The following REM1 variants were observed in gnomAD, a reference collection of about 807,000 sequenced individuals.
REM1 encodes the protein GTP-binding protein REM 1.
Under a neutral mutation model 27.0 loss-of-function variants are expected in REM1, and 20 were observed. That is an observed-to-expected ratio of 0.74 (90% CI 0.52 to 1.08). The LOEUF is 1.08. Ranked by LOEUF, REM1 falls within the 50% of genes least tolerant of loss-of-function variation. The pLI is 0.00. For missense variants in REM1, 405 were observed against 407.0 expected, an observed-to-expected ratio of 1.00 and a Z score of 0.04; for synonymous variants, 159 against 167.9, an observed-to-expected ratio of 0.95 and a Z score of 0.41.
chr20:31,484,175 T>C lies in REM1; in HGVS notation c.642T>C (p.Ala214=). 6.3e-7 allele frequency: 1 copy of C among 1,599,186 alleles called. No homozygotes were observed. Among genetic ancestry groups the C allele is most frequent in the Non-Finnish European group, 8.5e-7 (1 of 1,171,834 alleles). The change falls in exon 5 of 5, where the codon GCT becomes GCC. Residue 214 remains alanine (A), a synonymous_variant. Transcript: ENST00000201979. ...EVSVEEGRAC[A]VVFDCKFIET... is the part of the protein sequence containing the mutation. ...CCCCCTTAGAGGGCCGCGCCTGCGC[T>C]GTGGTGTTCGACTGTAAATTCATCG... is the stretch of plus-strand genomic sequence containing the variant.
chr20:31,484,329 C>T lies in REM1; in HGVS notation c.796C>T (p.Gln266Ter). 4 of 1,569,368 alleles carry T rather than the reference C, an allele frequency of 2.5e-6. No homozygotes were observed. Among genetic ancestry groups the T allele is most frequent in the Non-Finnish European group, 3.5e-6 (4 of 1,158,216 alleles). The stretch of plus-strand genomic sequence containing the variant: ...ACCCCGACGGCCGGCCAGCCTAGCC[C>T]AGCGCGCTCGTCGCTTCCTGGCACG... The part of the protein sequence containing the change: ...PAPRRPASLA[Q>*]RARRFLARLT... Residue 266 changes from glutamine (Q) to a stop codon, truncating the protein, a stop_gained, in exon 5 of 5, where the codon CAG becomes TAG. Coordinates refer to ENST00000201979, the MANE Select transcript of REM1 (RefSeq NM_014012.6). LOFTEE classifies it high-confidence loss of function.
In REM1 at chr20:31,477,330, G is replaced by C. The variant is rs543245069; in HGVS notation, c.341-498G>C. Among the ~76,000 whole-genome samples, 407 of 152,276 alleles carry C rather than the reference G, an allele frequency of 2.7e-3. 2 individuals are homozygous for C. Among genetic ancestry groups the C allele is most frequent in the Non-Finnish European group, 3.3e-3 (224 of 68,026 alleles). ...AGGATGATGGGGTACAGGGAAGATA[G>C]AAGAGATGAAGGTAGGCCCCTGAAG... On this transcript the variant is annotated intron_variant, in intron 2 of 4. Transcript: ENST00000201979.
Position 31,477,750 on chromosome 20 carries a change from G to C in REM1, c.341-78G>C, listed in dbSNP as rs900083208. On this transcript the variant is annotated intron_variant, in intron 2 of 4. Coordinates refer to ENST00000201979, the MANE Select transcript of REM1 (RefSeq NM_014012.6). ...ACAAGTGGAGGGGGCGATATGACCA[G>C]AAATGGGGGGCAGGGAACACCACAC... The C allele has an allele frequency of 5.1e-5, 55 of 1,087,540 alleles. No individual in the cohort carries two copies. The African/African-American group carries it at 8.0e-4, about 16-fold the overall frequency. 67.4% of individuals were successfully genotyped at this position (1,087,540 alleles called of 1,614,324 possible).
In REM1 at chr20:31,476,512, C is replaced by CT. The variant is rs756124285; in HGVS notation, c.68dup (p.Ser24ValfsTer42). On this transcript the variant is annotated frameshift_variant, in exon 2 of 5. Transcript: ENST00000201979. LOFTEE classifies it high-confidence loss of function. Reference sequence around the variant, plus strand: ...CCGGCGAGCCAGCACCCCACTGCCCCTGTCCCCACGGGGCCACCAGCCTGG... The same window carrying CT: ...CCGGCGAGCCAGCACCCCACTGCCCCTTGTCCCCACGGGGCCACCAGCCTGG... 4.3e-6 allele frequency: 7 copies of CT among 1,613,940 alleles called. No homozygotes were observed. In the Admixed American group the frequency reaches 5.0e-5, roughly 12 times the overall value.
intron 4 of REM1, among the ~76,000 whole-genome samples, chr20:31,482,960 C>T (rs1456267413): frequency 1.3e-5 from 2 of 152,052 alleles, no homozygotes; most frequent in East Asian, 3.9e-4. Flanking sequence ...ACAGCAAGAC[C>T]TTCTCTCTAC....
chr20:31,478,250 T>C (rs1003202019), intron 3 of REM1, among the ~76,000 whole-genome samples: 1 of 133,860 alleles, frequency 7.5e-6, no homozygotes, highest in African/African-American at 2.8e-5. Context: ...TACCTAAGGC[T>C]GAACCCCCTT....
chr20:31,476,783 G>A lies in REM1; in HGVS notation c.338G>A (p.Gly113Glu). Residue 113 changes from glycine to glutamate, a missense_variant and splice_region_variant, in exon 2 of 5, where the codon GGA (glycine) becomes GAA (glutamate). Coordinates refer to ENST00000201979, the MANE Select transcript of REM1 (RefSeq NM_014012.6). The stretch of plus-strand genomic sequence containing the variant: ...GAGAGGGACCTCCATGAACAGCTGG[G>A]AGGTAGGGGCCATATGGGCTGGGCT... Reference protein sequence around the residue: ...KQERDLHEQLGEDVYERTLTV... With the variant: ...KQERDLHEQLEEDVYERTLTV... 1.9e-6 allele frequency: 3 copies of A among 1,604,978 alleles called. No individual in the cohort carries two copies. Among genetic ancestry groups the A allele is most frequent in the Middle Eastern group, 1.7e-4 (1 of 5,980 alleles).
Position 31,484,797 on chromosome 20 carries a change from GCGTCT to G in REM1, c.*369_*373del. The G allele has an allele frequency of 4.6e-6, 1 of 217,044 alleles. No homozygotes were observed. Among genetic ancestry groups the G allele is most frequent in the Non-Finnish European group, 9.0e-6 (1 of 111,022 alleles). The allele number at this position is 217,044 out of a possible 1,614,324, so 13.4% of individuals were successfully genotyped here. ...GACCTCTCCATCTCGGCTCTTCCAGGCGTCTCCACCTACTGCCCTCCCATCTACAC... is the reference window on the plus strand; with the variant it reads ...GACCTCTCCATCTCGGCTCTTCCAGGCCACCTACTGCCCTCCCATCTACAC... On this transcript the variant is annotated 3_prime_UTR_variant, in exon 5 of 5. Coordinates refer to ENST00000201979, the MANE Select transcript of REM1 (RefSeq NM_014012.6).
chr20:31,484,367 C>T lies in REM1; in HGVS notation c.834C>T (p.Arg278=). 6.4e-7 allele frequency: 1 copy of T among 1,556,490 alleles called. No individual in the cohort carries two copies. Among genetic ancestry groups the T allele is most frequent in the Non-Finnish European group, 8.7e-7 (1 of 1,151,378 alleles). ...GCTTCCTGGCACGCCTGACAGCCCG[C>T]AGCGCACGCCGCCGGGCACTCAAGG... The part of the protein sequence containing the change: ...ARRFLARLTA[R]SARRRALKAR... The change falls in exon 5 of 5, where the codon CGC becomes CGT. Residue 278 remains arginine, a synonymous_variant. Transcript: ENST00000201979.
rs987352776 is a variant in REM1, at chr20:31,475,293, C to T, written c.-293C>T. 1 of 152,506 alleles carries T rather than the reference C, an allele frequency of 6.6e-6. No individual in the cohort carries two copies. The highest frequency in any genetic ancestry group is 1.5e-5 in the Non-Finnish European group (1 of 68,290). 9.4% of individuals were successfully genotyped at this position (152,506 alleles called of 1,614,324 possible). On this transcript the variant is annotated 5_prime_UTR_variant, in exon 1 of 5. Coordinates refer to ENST00000201979, the MANE Select transcript of REM1 (RefSeq NM_014012.6). The surrounding 1 kb of genome is among the most constrained non-coding windows in gnomAD (Gnocchi z 5.0). ...GGGAACTGGCCTGAGGGGCTGCTCA[C>T]TGAGGCGGGTGGTACAGCCTGGAGC...
chr20:31,479,001 A>AT (rs1980626155), intron 3 of REM1, among the ~76,000 whole-genome samples: 1 of 151,928 alleles, frequency 6.6e-6, no homozygotes, highest in African/African-American at 2.4e-5. Context: ...TGCCCAGCTA[A>AT]TTTTTGTATT....
chr20:31,479,692 G>T (rs1383858849), intron 3 of REM1, among the ~76,000 whole-genome samples: 1 of 152,188 alleles, frequency 6.6e-6, no homozygotes, highest in Non-Finnish European at 1.5e-5. Context: ...TGCGCTACAT[G>T]GTACTCTGAT....
intron 3 of REM1, among the ~76,000 whole-genome samples, chr20:31,479,316 A>G (rs1980636614): frequency 6.6e-6 from 1 of 152,204 alleles, no homozygotes; most frequent in Non-Finnish European, 1.5e-5. Context: ...AGAGATGAAT[A>G]AGGCAGACAG....
intron 4 of REM1, 66 bp downstream of exon 4, chr20:31,482,554 C>A: frequency 6.8e-7 from 1 of 1,475,956 alleles, no homozygotes. Flanking sequence ...TCCTCCAGCG[C>A]TCTTCATCTC....
chr20:31,482,603 A>G (rs2122481380), intron 4 of REM1, 115 bp downstream of exon 4: 1 of 1,044,782 alleles, frequency 9.6e-7, no homozygotes, highest in Admixed American at 2.1e-5. Flanking sequence ...CCCTGCAGCC[A>G]CTTGCCTAAG....
At chr20:31,477,957 T>G (rs1400844338) in intron 3 of REM1, 47 bp downstream of exon 3, 1 of 1,200,904 alleles carries the variant, frequency 8.3e-7, no homozygotes, top group Non-Finnish European at 1.2e-6. Flanking sequence ...CTGAGCCTAA[T>G]ACTAGACTCC....
intron 3 of REM1, among the ~76,000 whole-genome samples, chr20:31,478,836 T>C (rs1980619241): frequency 7.0e-6 from 1 of 142,742 alleles, no homozygotes; most frequent in Admixed American, 7.0e-5. Flanking sequence ...ATCTTATTCT[T>C]TTTTTTTTTT....
chr20:31,481,134 G>A (rs922236768), intron 3 of REM1, among the ~76,000 whole-genome samples: 15 of 152,060 alleles, frequency 9.9e-5, no homozygotes, highest in African/African-American at 1.4e-4. Flanking sequence ...TTAGCTGGGC[G>A]TTGTGGCAGC....
At position 31,476,530 on chromosome 20, in the gene REM1, C is replaced by A; in HGVS notation, c.85C>A (p.Gln29Lys). The change falls in exon 2 of 5, where the codon CAG (glutamine) becomes AAG (lysine). Residue 29 changes from glutamine to lysine, a missense_variant. Physicochemically the swap from Gln to Lys is moderately conservative, Grantham distance 53 (BLOSUM62 1). Transcript: ENST00000201979. The part of the protein sequence containing the change: ...TPLPLSPRGH[Q>K]PGRLSTVPST... ...ACTGCCCCTGTCCCCACGGGGCCAC[C>A]AGCCTGGCCGCCTGAGCACAGTGCC... The A allele has an allele frequency of 6.2e-7, 1 of 1,614,134 alleles. No homozygotes were observed. The highest frequency in any genetic ancestry group is 8.5e-7 in the Non-Finnish European group (1 of 1,179,972).
Sources: allele counts gnomAD v4.1 joint callset (sites outside exome capture counted in the v4.1 genomes callset), GRCh38; gene constraint gnomAD v4.1.1; non-coding constraint Gnocchi (gnomAD v3.1); transcripts MANE v1.5; gene names NCBI Gene and HGNC (gene_info 2026-07-23, HGNC 2026-07-21).